The following FAM178B variants were observed in gnomAD, a reference collection of about 807,000 sequenced individuals.
FAM178B encodes protein FAM178B.
A neutral mutation model predicts 91.7 loss-of-function variants in FAM178B; 82 were observed. The observed-to-expected ratio is 0.89, with a 90% CI of 0.75 to 1.07. The LOEUF (loss-of-function observed/expected upper bound fraction) is 1.07. FAM178B is among the 50% of genes least tolerant of loss of function. The pLI is 0.00. For missense variants in FAM178B, 769 were observed against 846.7 expected, an observed-to-expected ratio of 0.91 and a Z score of 1.14; for synonymous variants, 368 against 359.4, an observed-to-expected ratio of 1.02 and a Z score of -0.27.
chr2:96,927,331 G>A (rs1226288798), intron 9 of FAM178B, among the ~76,000 whole-genome samples: 1 of 152,158 alleles, frequency 6.6e-6, no homozygotes. Context: ...CCTGCTCCCA[G>A]AGCCAGGAGC....
chr2:96,950,861 A>C (rs2081913813), intron 7 of FAM178B, among the ~76,000 whole-genome samples: 1 of 152,164 alleles, frequency 6.6e-6, no homozygotes. Flanking sequence ...TCAAACGCCC[A>C]AGCACCCTCG....
At chr2:96,951,660 AC>A (rs2081930331) in intron 6 of FAM178B, 176 bp from the exon 7 acceptor site, 1 of 587,052 alleles carries the variant, frequency 1.7e-6, no homozygotes, top group Non-Finnish European at 3.1e-6. Flanking sequence ...AAGGAAAAGA[AC>A]CCAGGCTAGC....
intron 4 of FAM178B, 45 bp from the exon 5 acceptor site, chr2:96,967,672 C>T (rs2082161287): frequency 7.5e-7 from 1 of 1,334,208 alleles, no homozygotes; most frequent in East Asian, 2.5e-5. Flanking sequence ...TGTTGTTCCC[C>T]ATCGTGCAAC....
At chr2:96,929,919 G>T (rs900032833) in intron 8 of FAM178B, among the ~76,000 whole-genome samples, 20 of 152,242 alleles carry the variant, frequency 1.3e-4, no homozygotes, top group Non-Finnish European at 2.2e-4. Flanking sequence ...TCATGATAAA[G>T]TCTGACCACA....
rs1159353720 is a variant in FAM178B at position 96,923,847 on chromosome 2, C to G, written c.1194-264G>C. Among the ~76,000 whole-genome samples, 4 of 152,308 alleles carry G rather than the reference C, an allele frequency of 2.6e-5. No individual in the cohort carries two copies. In the East Asian group the frequency reaches 7.7e-4, roughly 29 times the overall value. Reference sequence around the variant, plus strand: ...TCACCTGAGCCTACAGGCTGGAGGGCCTGCCTCCCGGCTCACTCACCTGGT... The same window carrying G: ...TCACCTGAGCCTACAGGCTGGAGGGGCTGCCTCCCGGCTCACTCACCTGGT... On this transcript the variant is annotated intron_variant, in intron 9 of 16. Transcript: ENST00000490605.
chr2:96,905,940 C>A (rs1265608619), intron 12 of FAM178B, among the ~76,000 whole-genome samples: 1 of 136,340 alleles, frequency 7.3e-6, no homozygotes, highest in Non-Finnish European at 1.5e-5. Flanking sequence ...GGTGCGATAT[C>A]GGCTCACCGC....
Position 96,978,435 on chromosome 2 carries a change from A to G in FAM178B, c.74-5829T>C, listed in dbSNP as rs576572120. 1.1e-4 allele frequency among the ~76,000 whole-genome samples: 17 copies of G among 152,088 alleles called. No individual in the cohort carries two copies. In the East Asian group the frequency reaches 3.1e-3, roughly 28 times the overall value. Reference sequence around the variant, plus strand: ...CTCAACAGGTAATTTTTCAATCCTCACCCCGCTTTCAACCTCCCCACTTTT... The same window carrying G: ...CTCAACAGGTAATTTTTCAATCCTCGCCCCGCTTTCAACCTCCCCACTTTT... On this transcript the variant is annotated intron_variant, in intron 1 of 16. Coordinates refer to ENST00000490605, the MANE Select transcript of FAM178B (RefSeq NM_001122646.3).
intron 7 of FAM178B, among the ~76,000 whole-genome samples, chr2:96,950,331 T>C (rs969025002): frequency 5.3e-5 from 8 of 152,136 alleles, no homozygotes; most frequent in Admixed American, 3.9e-4. Flanking sequence ...GGGTGGGGGA[T>C]TGGGGGCTGA....
intron 12 of FAM178B, among the ~76,000 whole-genome samples, chr2:96,910,795 T>TA: frequency 6.7e-6 from 1 of 150,240 alleles, no homozygotes; most frequent in East Asian, 1.9e-4. Flanking sequence ...TCTCTCTTCT[T>TA]AATTTTTTTT....
chr2:96,929,009 T>A (rs1433403444), intron 9 of FAM178B, among the ~76,000 whole-genome samples, 197 bp downstream of exon 9: 1 of 151,888 alleles, frequency 6.6e-6, no homozygotes, highest in Admixed American at 6.6e-5. Context: ...AATTAAAAAA[T>A]TCGCCAGGCG....
At chr2:96,937,654 C>T (rs1447435838) in intron 8 of FAM178B, among the ~76,000 whole-genome samples, 1 of 152,196 alleles carries the variant, frequency 6.6e-6, no homozygotes, top group Non-Finnish European at 1.5e-5. Context: ...TCAGCCATAG[C>T]TGAAAATTGC....
At chr2:96,969,786 C>T (rs535822634) in intron 4 of FAM178B, among the ~76,000 whole-genome samples, 57 of 152,202 alleles carry the variant, frequency 3.7e-4, no homozygotes, top group Admixed American at 5.2e-4. Context: ...GGCTGCACAG[C>T]AGAGGCAGAT....
At chr2:96,884,675 TG>T (rs1442821095) in intron 14 of FAM178B, among the ~76,000 whole-genome samples, 3 of 152,236 alleles carry the variant, frequency 2.0e-5, no homozygotes, top group Non-Finnish European at 4.4e-5. Context: ...AGTGTGGCAC[TG>T]GCCACCAGGA....
intron 13 of FAM178B, chr2:96,895,176 C>T (rs4907206): frequency 0.23 from 272,561 of 1,168,624 alleles, 43,378 homozygotes; most frequent in South Asian, 0.65. Flanking sequence ...TACATCGTAT[C>T]GTTTTACCCA....
intron 4 of FAM178B, among the ~76,000 whole-genome samples, chr2:96,970,091 C>T (rs1241153967): frequency 6.6e-6 from 1 of 152,200 alleles, no homozygotes; most frequent in African/African-American, 2.4e-5. Context: ...AAAGAGCATG[C>T]CCCCATGAAG....
chr2:96,978,648 C>T lies in FAM178B; in HGVS notation c.74-6042G>A, dbSNP rs1363189215. On this transcript the variant is annotated intron_variant, in intron 1 of 16. Coordinates refer to ENST00000490605, the MANE Select transcript of FAM178B (RefSeq NM_001122646.3). ...TTCTTCTTTTTTTTTTTTTTTGAGA[C>T]GGAGTCTCACTTTGTCACCAGGCTG... Among the ~76,000 whole-genome samples, 3 of 147,222 alleles carry T rather than the reference C, an allele frequency of 2.0e-5. No individual in the cohort carries two copies. In the Admixed American group the frequency reaches 2.0e-4, roughly 10 times the overall value.
chr2:96,983,569 G>A (rs964856472), intron 1 of FAM178B, among the ~76,000 whole-genome samples: 1 of 152,166 alleles, frequency 6.6e-6, no homozygotes, highest in African/African-American at 2.4e-5. Context: ...AGGACTACAG[G>A]TATGTGCCAC....
chr2:96,896,998 C>T (rs922901675), intron 13 of FAM178B, among the ~76,000 whole-genome samples: 1 of 152,196 alleles, frequency 6.6e-6, no homozygotes, highest in African/African-American at 2.4e-5. Context: ...TCCCGAGTAG[C>T]TGGGATTACA....
At chr2:96,967,457 C>T (rs1231603717) in intron 5 of FAM178B, 63 bp downstream of exon 5, 1 of 1,044,150 alleles carries the variant, frequency 9.6e-7, no homozygotes, top group East Asian at 2.6e-5. Context: ...TGTCCAAAAC[C>T]AGAGGGGGTT....
Sources: allele counts gnomAD v4.1 joint callset (sites outside exome capture counted in the v4.1 genomes callset), GRCh38; gene constraint gnomAD v4.1.1; transcripts MANE v1.5; gene names NCBI Gene and HGNC (gene_info 2026-07-23, HGNC 2026-07-21).